RNF130: variants seen among roughly 807,000 people sequenced by gnomAD.
The protein encoded by RNF130 is ring finger protein 130.
A neutral mutation model predicts 44.6 loss-of-function variants in RNF130; 21 were observed. The ratio of observed to expected loss-of-function variants is 0.47; its 90% CI spans 0.33 to 0.68. RNF130 has a LOEUF of 0.68. Ranked by LOEUF, RNF130 falls within the 30% of genes least tolerant of loss-of-function variation. RNF130 has a pLI of 0.02. For synonymous variants in RNF130, 214 were observed against 210.4 expected (o/e 1.02, Z -0.15); for missense variants, 479 against 560.6 (o/e 0.85, Z 1.47).
At chr5:179,967,685 TCAGCAGGCAG>T (rs1215449186) in intron 6 of RNF130, among the ~76,000 whole-genome samples, 5 of 152,348 alleles carry the variant, frequency 3.3e-5, no homozygotes, top group African/African-American at 4.8e-5. Context: ...TTTGGTTCTC[TCAGCAGGCAG>T]CAGCAGGCAG....
At chr5:179,964,571 C>T (rs1425860762) in intron 7 of RNF130, among the ~76,000 whole-genome samples, 1 of 152,230 alleles carries the variant, frequency 6.6e-6, no homozygotes, top group Non-Finnish European at 1.5e-5. Flanking sequence ...ATGTTTTATG[C>T]ACAAGCTGTA....
intron 3 of RNF130, among the ~76,000 whole-genome samples, chr5:180,004,689 A>G (rs1763423565): frequency 6.6e-6 from 1 of 152,258 alleles, no homozygotes; most frequent in African/African-American, 2.4e-5. Flanking sequence ...TCTAATAGGA[A>G]TAGTTGGTTC....
chr5:180,049,196 G>A (rs991311563), intron 1 of RNF130, among the ~76,000 whole-genome samples: 10 of 152,124 alleles, frequency 6.6e-5, no homozygotes, highest in African/African-American at 2.2e-4. Flanking sequence ...GTTTCCAAGC[G>A]CTTTGACACA....
chr5:179,980,031 G>A (rs1561678766), intron 4 of RNF130, 98 bp downstream of exon 4: 16 of 952,848 alleles, frequency 1.7e-5, no homozygotes, highest in Non-Finnish European at 2.2e-5. Flanking sequence ...AAAATCTAAC[G>A]AATGAAATGT....
At chr5:180,017,452 C>T (rs1327556138) in intron 2 of RNF130, among the ~76,000 whole-genome samples, 1 of 152,122 alleles carries the variant, frequency 6.6e-6, no homozygotes, top group Non-Finnish European at 1.5e-5. Flanking sequence ...CTAGCCAGTT[C>T]CCCAAAAACC....
intron 5 of RNF130, among the ~76,000 whole-genome samples, chr5:179,971,616 G>A (rs544911530): frequency 1.1e-4 from 17 of 152,252 alleles, no homozygotes; most frequent in South Asian, 6.2e-4. Flanking sequence ...TGATCCGCCC[G>A]CCTCGGCCTC....
At chr5:179,982,877 C>T (rs903492274) in intron 3 of RNF130, among the ~76,000 whole-genome samples, 11 of 152,216 alleles carry the variant, frequency 7.2e-5, no homozygotes, top group African/African-American at 1.4e-4. Context: ...AGCCACGGCA[C>T]GCAGCCTCCT....
intron 7 of RNF130, chr5:179,964,380 AG>A (rs1466560044): frequency 6.6e-6 from 1 of 152,252 alleles, no homozygotes; most frequent in Non-Finnish European, 1.5e-5. Flanking sequence ...TTTTAAAAAC[AG>A]TATTTATTGA....
intron 2 of RNF130, among the ~76,000 whole-genome samples, chr5:180,026,352 TATAA>T (rs1763985417): frequency 6.6e-6 from 1 of 152,220 alleles, no homozygotes; most frequent in Non-Finnish European, 1.5e-5. Flanking sequence ...GTAAAGTCTA[TATAA>T]ATCTTTAAAA....
At chr5:179,975,579 G>A (rs1186990375) in intron 5 of RNF130, among the ~76,000 whole-genome samples, 1 of 152,192 alleles carries the variant, frequency 6.6e-6, no homozygotes, top group Non-Finnish European at 1.5e-5. Flanking sequence ...GCTGTGCTGA[G>A]CAGGCTGTGT....
In RNF130 at chr5:179,975,982, C is replaced by G. The variant is rs534796312; in HGVS notation, c.848+2221G>C. The stretch of plus-strand genomic sequence containing the variant: ...CTCCACCCGGGATGCTTCTGAAAGC[C>G]TCCCACTGACTCTGATGCAGTCAGG... On this transcript the variant is annotated intron_variant, in intron 5 of 8. Coordinates refer to ENST00000521389, the MANE Select transcript of RNF130 (RefSeq NM_018434.6). 5.0e-4 allele frequency among the ~76,000 whole-genome samples: 51 copies of G among 101,232 alleles called. No individual in the cohort carries two copies. The South Asian group carries it at 0.012, about 24-fold the overall frequency. The allele number at this position is 101,232 out of a possible 152,430, so 66.4% of individuals were successfully genotyped here.
intron 7 of RNF130, among the ~76,000 whole-genome samples, chr5:179,928,665 A>G (rs908794892): frequency 9.2e-5 from 13 of 141,176 alleles, no homozygotes; most frequent in African/African-American, 2.9e-4. Flanking sequence ...GTCTCGCTCT[A>G]TCACCCAGGC....
At chr5:179,992,859 T>C (rs1763117397) in intron 3 of RNF130, among the ~76,000 whole-genome samples, 1 of 152,218 alleles carries the variant, frequency 6.6e-6, no homozygotes, top group African/African-American at 2.4e-5. Context: ...TATCTCCTAA[T>C]GCTATCCCTC....
chr5:179,992,967 A>G (rs544683701), intron 3 of RNF130, among the ~76,000 whole-genome samples: 1 of 152,276 alleles, frequency 6.6e-6, no homozygotes, highest in South Asian at 2.1e-4. Context: ...GAGTGAGAAC[A>G]TGTGGTGTTT....
chr5:180,008,072 G>A (rs1763503653), intron 3 of RNF130, among the ~76,000 whole-genome samples: 1 of 145,686 alleles, frequency 6.9e-6, no homozygotes, highest in Non-Finnish European at 1.5e-5. Context: ...CTCAAGACAT[G>A]AGAAACGGGT....
At chr5:180,065,225 T>C (rs569144942) in intron 1 of RNF130, among the ~76,000 whole-genome samples, 39 of 152,144 alleles carry the variant, frequency 2.6e-4, no homozygotes, top group African/African-American at 8.4e-4. Flanking sequence ...TCATGGAAAA[T>C]TTTCCCCTTT....
intron 1 of RNF130, among the ~76,000 whole-genome samples, chr5:180,046,539 G>C (rs1221257112): frequency 6.6e-6 from 1 of 152,218 alleles, no homozygotes; most frequent in Non-Finnish European, 1.5e-5. Flanking sequence ...TTGTCAGTCT[G>C]CTGCAGGGGC....
intron 2 of RNF130, among the ~76,000 whole-genome samples, chr5:180,031,993 G>C (rs1381652425): frequency 6.6e-6 from 1 of 152,120 alleles, no homozygotes. Context: ...TGTTTTGATT[G>C]CATTTGTCTA....
At chr5:179,923,551 T>C (rs1761662954) in intron 7 of RNF130, among the ~76,000 whole-genome samples, 1 of 152,238 alleles carries the variant, frequency 6.6e-6, no homozygotes, top group African/African-American at 2.4e-5. Context: ...GAGCTGAGTC[T>C]CAGCCAATCC....
Sources: gnomAD v4.1 joint callset for allele counts (sites outside exome capture counted in the v4.1 genomes callset) on GRCh38, gnomAD v4.1.1 for gene constraint, MANE v1.5 for transcripts, NCBI Gene and HGNC (gene_info 2026-07-23, HGNC 2026-07-21) for gene names.